Variants in RNLS observed in about 807,000 individuals in gnomAD.
RNLS encodes the protein renalase.
Under a neutral mutation model 39.8 loss-of-function variants are expected in RNLS, and 39 were observed. That is an observed-to-expected ratio of 0.98 (90% CI 0.76 to 1.28). The LOEUF is 1.28. RNLS is among the 50% of genes most tolerant of loss of function. The pLI is 0.00. For synonymous variants in RNLS, 147 were observed against 150.7 expected (o/e 0.98, Z 0.18); for missense variants, 410 against 413.3 (o/e 0.99, Z 0.07).
At chr10:88,435,689 A>G (rs948765498) in intron 4 of RNLS, among the ~76,000 whole-genome samples, 1 of 152,162 alleles carries the variant, frequency 6.6e-6, no homozygotes, top group African/African-American at 2.4e-5. Flanking sequence ...CTGCAGGGCA[A>G]AAGGAAAATA....
rs1053200535 is a variant in RNLS, at chr10:88,314,588, C to T, written c.754G>A (p.Val252Ile). 1.2e-6 allele frequency: 2 copies of T among 1,613,782 alleles called. No individual in the cohort carries two copies. Among genetic ancestry groups the T allele is most frequent in the African/African-American group, 2.7e-5 (2 of 74,902 alleles). ...TCAATGCTGTGTTCCAAGTATGTAA[C>T]TCCAAATGGGACAGTGGTGTGAATC... ...LVIHTTVPFG[V>I]TYLEHSIEDV... The change falls in exon 6 of 7, where the codon GTT (valine) becomes ATT (isoleucine). Residue 252 changes from valine to isoleucine, a missense_variant. Physicochemically the swap from Val to Ile is conservative, Grantham distance 29 (BLOSUM62 3). Coordinates refer to ENST00000331772, the MANE Select transcript of RNLS (RefSeq NM_001031709.3).
intron 6 of RNLS, among the ~76,000 whole-genome samples, chr10:88,309,096 G>A (rs1845154390): frequency 6.6e-6 from 1 of 152,076 alleles, no homozygotes; most frequent in African/African-American, 2.4e-5. Flanking sequence ...ACATAGAGGG[G>A]AACAATACAC....
rs1843167410 is a variant in RNLS at position 88,284,977 on chromosome 10, T to C, written c.*377A>G. The C allele has an allele frequency of 2.0e-6, 2 of 991,168 alleles. No homozygotes were observed. The highest frequency in any genetic ancestry group is 3.5e-5 in the African/African-American group (2 of 57,444). 61.4% of individuals were successfully genotyped at this position (991,168 alleles called of 1,614,324 possible). On this transcript the variant is annotated 3_prime_UTR_variant, in exon 7 of 7. Transcript: ENST00000331772. ...GACTTAAGATGGGGCTTTGATAATG[T>C]GATTATTCTTTATTCAGAATTGAAA...
chr10:88,514,799 T>G (rs967825304), intron 4 of RNLS, among the ~76,000 whole-genome samples: 4 of 152,092 alleles, frequency 2.6e-5, no homozygotes, highest in Non-Finnish European at 5.9e-5. Context: ...CCACATTTTC[T>G]TCCATATCTT....
rs184825821 is a variant in RNLS, at chr10:88,278,456, G to A, written c.877-3424C>T. On this transcript the variant is annotated intron_variant, in intron 6 of 6. Coordinates refer to the RNLS transcript ENST00000371947. The stretch of plus-strand genomic sequence containing the variant: ...AGAGCAATTCAATTTAAAAAGTATC[G>A]AAAAAATAAGAATGTCAGTCAATAA... Among the ~76,000 whole-genome samples, 250 of 152,080 alleles carry A rather than the reference G, an allele frequency of 1.6e-3. 2 individuals are homozygous for A. Among genetic ancestry groups the A allele is most frequent in the African/African-American group, 5.6e-3 (234 of 41,488 alleles).
At chr10:88,309,407 G>C (rs1351700774) in intron 6 of RNLS, 11 of 1,289,236 alleles carry the variant, frequency 8.5e-6, no homozygotes, top group African/African-American at 1.5e-5. Context: ...TCTCATGAGG[G>C]GATAATGTAA....
intron 4 of RNLS, among the ~76,000 whole-genome samples, chr10:88,375,347 C>T (rs1282854632): frequency 6.6e-6 from 1 of 152,084 alleles, no homozygotes; most frequent in Non-Finnish European, 1.5e-5. Flanking sequence ...TAAGAGTTCC[C>T]CGAAGTCCCC....
chr10:88,566,528 T>C (rs1383358549), intron 4 of RNLS, among the ~76,000 whole-genome samples: 1 of 151,658 alleles, frequency 6.6e-6, no homozygotes, highest in African/African-American at 2.4e-5. Flanking sequence ...ATCAGAAAAA[T>C]TTTGCCAGGA....
intron 4 of RNLS, among the ~76,000 whole-genome samples, chr10:88,406,273 T>C (rs1853262033): frequency 6.6e-6 from 1 of 152,108 alleles, no homozygotes; most frequent in South Asian, 2.1e-4. Flanking sequence ...TCTAGGTGTC[T>C]AGCAAGGCTG....
At chr10:88,373,552 A>T (rs1168347091) in intron 4 of RNLS, among the ~76,000 whole-genome samples, 1 of 152,158 alleles carries the variant, frequency 6.6e-6, no homozygotes, top group Non-Finnish European at 1.5e-5. Context: ...TCTCAATTTG[A>T]TGAAAAGCAC....
At chr10:88,503,334 T>C (rs1589911441) in intron 4 of RNLS, among the ~76,000 whole-genome samples, 2 of 152,128 alleles carry the variant, frequency 1.3e-5, no homozygotes, top group East Asian at 1.9e-4. Context: ...TGAGCTGAGA[T>C]TGCACCACTG....
chr10:88,565,992 C>G (rs572630077), intron 4 of RNLS, among the ~76,000 whole-genome samples: 1 of 151,678 alleles, frequency 6.6e-6, no homozygotes, highest in Non-Finnish European at 1.5e-5. Context: ...CGTGATCCGC[C>G]CACCTCAGAC....
chr10:88,495,674 G>A (rs1589894839), intron 4 of RNLS, among the ~76,000 whole-genome samples: 1 of 152,012 alleles, frequency 6.6e-6, no homozygotes, highest in East Asian at 1.9e-4. Context: ...TGTATTGAGA[G>A]GAGGGCAGCA....
intron 5 of RNLS, among the ~76,000 whole-genome samples, chr10:88,355,366 T>G (rs928318008): frequency 4.6e-5 from 7 of 152,234 alleles, no homozygotes; most frequent in African/African-American, 1.7e-4. Flanking sequence ...TGGTCTTTGA[T>G]GATGCTGACG....
At chr10:88,198,195 T>C in the RNLS span, among the ~76,000 whole-genome samples, 1 of 152,168 alleles carries the variant, frequency 6.6e-6, no homozygotes, top group Non-Finnish European at 1.5e-5. Context: ...CCTTAGTCAT[T>C]GCAGGCAGCT....
At chr10:88,328,466 A>AT (rs1846813128) in intron 5 of RNLS, among the ~76,000 whole-genome samples, 1 of 151,818 alleles carries the variant, frequency 6.6e-6, no homozygotes, top group Non-Finnish European at 1.5e-5. Context: ...TTTAAGGGGT[A>AT]TTTTTTCTTT....
chr10:88,259,235 G>A, the RNLS span: 1 of 152,194 alleles, frequency 6.6e-6, no homozygotes, highest in Non-Finnish European at 1.5e-5. Context: ...AGAGGGAGGA[G>A]TTTCCAAAGA....
the RNLS span, among the ~76,000 whole-genome samples, chr10:88,224,057 A>G: frequency 1.3e-5 from 2 of 151,160 alleles, no homozygotes; most frequent in African/African-American, 4.9e-5. Context: ...AAAAAAGGTA[A>G]GGAGAGAAAC....
chr10:88,451,848 G>A (rs1842376277), intron 4 of RNLS, among the ~76,000 whole-genome samples: 13 of 152,042 alleles, frequency 8.6e-5, no homozygotes, highest in Admixed American at 8.5e-4. Context: ...TTTCTTCTCC[G>A]ATACTTTTCT....
Sources: allele counts gnomAD v4.1 joint callset (sites outside exome capture counted in the v4.1 genomes callset), GRCh38; gene constraint gnomAD v4.1.1; transcripts MANE v1.5; gene names NCBI Gene and HGNC (gene_info 2026-07-23, HGNC 2026-07-21).